Variants in DACH2 observed in about 807,000 individuals in gnomAD.
The protein encoded by DACH2 is dachshund family transcription factor 2.
DACH2 carries 17 observed loss-of-function variants against 35.8 expected under a neutral mutation model. That is an observed-to-expected ratio of 0.48 (90% CI 0.33 to 0.71). The LOEUF is 0.71. Among genes scored for constraint, DACH2 ranks in the 30% least tolerant of loss-of-function variants. The pLI, the probability that DACH2 is intolerant of heterozygous loss-of-function variation, is 0.02. For missense variants in DACH2, 469 were observed against 472.7 expected, an observed-to-expected ratio of 0.99 and a Z score of 0.07; for synonymous variants, 195 against 177.3, an observed-to-expected ratio of 1.10 and a Z score of -0.79.
At chrX:86,535,926 T>C (rs1179581971) in intron 3 of DACH2, among the ~76,000 whole-genome samples, 3 of 111,164 alleles carry the variant, frequency 2.7e-5, no homozygotes, top group Non-Finnish European at 5.7e-5. Context: ...GCAACTTAAG[T>C]TTTATCTACC....
rs368385812 is a variant in DACH2, at chrX:86,685,056, A to G, written c.773-9965A>G. ...AAACTGATGACCTTTACAATATTTT[A>G]CTTCTTAATGAAGGTGACAGAGTTC... On this transcript the variant is annotated intron_variant, in intron 4 of 11. Coordinates refer to ENST00000373125, the MANE Select transcript of DACH2 (RefSeq NM_053281.3). 4.5e-5 allele frequency among the ~76,000 whole-genome samples: 5 copies of G among 112,071 alleles called. No homozygotes were observed. The East Asian group carries it at 1.1e-3, about 25-fold the overall frequency.
chrX:86,673,587 C>T (rs1037423713), intron 4 of DACH2, among the ~76,000 whole-genome samples: 26 of 110,984 alleles, frequency 2.3e-4, no homozygotes, highest in African/African-American at 8.5e-4. Flanking sequence ...AGACTTTGGA[C>T]TGTGGAATTT....
intron 1 of DACH2, among the ~76,000 whole-genome samples, chrX:86,320,347 C>A (rs1285669348): frequency 1.8e-5 from 2 of 112,088 alleles, no homozygotes; most frequent in African/African-American, 6.5e-5. Flanking sequence ...TTAATTAAAC[C>A]ATTACAGAGA....
intron 1 of DACH2, among the ~76,000 whole-genome samples, chrX:86,232,543 T>G (rs750282176): frequency 1.8e-5 from 2 of 111,752 alleles, no homozygotes; most frequent in African/African-American, 6.5e-5. Context: ...AGGACATGAA[T>G]GAACACTTTA....
rs5902900 is a variant in DACH2 at position 86,236,131 on chromosome X, C to CA, written c.488+87034dup. The stretch of plus-strand genomic sequence containing the variant: ...TGGGTGACAGAGCAAGGCTCCATCT[C>CA]AAAAAAAAAAATATAGATAAGGGAT... On this transcript the variant is annotated intron_variant, in intron 1 of 11. Transcript: ENST00000373125. Among the ~76,000 whole-genome samples, 94 of 105,144 alleles carry CA rather than the reference C, an allele frequency of 8.9e-4. 1 individual carries two copies. Among genetic ancestry groups the CA allele is most frequent in the South Asian group, 3.8e-3 (9 of 2,339 alleles). The allele number at this position is 105,144 out of a possible 115,157, so 91.3% of individuals were successfully genotyped here. A position where few individuals can be genotyped will look rare whatever the true frequency, so the allele number is the denominator to read the frequency against.
At chrX:86,491,147 C>A (rs943886712) in intron 2 of DACH2, among the ~76,000 whole-genome samples, 3 of 111,977 alleles carry the variant, frequency 2.7e-5, no homozygotes, top group African/African-American at 9.7e-5. Flanking sequence ...AATAGTTCTA[C>A]ATGAAAATAA....
chrX:86,278,906 C>T (rs754477697), intron 1 of DACH2, among the ~76,000 whole-genome samples: 83 of 112,002 alleles, frequency 7.4e-4, no homozygotes, highest in African/African-American at 2.6e-3. Context: ...TTTCCCCTCA[C>T]AGTGTAAACA....
At chrX:86,284,691 T>C (rs979654627) in intron 1 of DACH2, among the ~76,000 whole-genome samples, 1 of 111,609 alleles carries the variant, frequency 9.0e-6, no homozygotes, top group African/African-American at 3.3e-5. Flanking sequence ...AGTTCTTCTT[T>C]AAATGTTTTG....
Position 86,148,899 on chromosome X carries a change from A to G in DACH2, c.279A>G (p.Gln93=), listed in dbSNP as rs200167039. 389 of 1,208,843 alleles carry G rather than the reference A, an allele frequency of 3.2e-4. 2 individuals are homozygous for G. Among genetic ancestry groups the G allele is most frequent in the Non-Finnish European group, 1.2e-4 (105 of 895,038 alleles). ...MDGQELICLP[Q]VFDLFLKHLV... ...GCCAGGAACTGATCTGCCTGCCGCA[A>G]GTCTTTGATCTTTTTCTCAAGCACC... Residue 93 remains glutamine, a synonymous_variant, in exon 1 of 12, where the codon CAA becomes CAG. Coordinates refer to ENST00000373125, the MANE Select transcript of DACH2 (RefSeq NM_053281.3).
At chrX:86,605,348 A>C (rs934682494) in intron 3 of DACH2, among the ~76,000 whole-genome samples, 1 of 111,212 alleles carries the variant, frequency 9.0e-6, no homozygotes, top group Non-Finnish European at 1.9e-5. Context: ...GTTCATGTGT[A>C]ACAAATTCTT....
intron 1 of DACH2, among the ~76,000 whole-genome samples, chrX:86,253,874 A>G (rs950475000): frequency 2.7e-5 from 3 of 112,217 alleles, no homozygotes; most frequent in African/African-American, 9.7e-5. Flanking sequence ...GATGCCAGAA[A>G]GGAAGTGACA....
intron 7 of DACH2, among the ~76,000 whole-genome samples, chrX:86,777,599 T>C (rs2042048137): frequency 9.0e-6 from 1 of 111,591 alleles, no homozygotes; most frequent in Admixed American, 9.6e-5. Flanking sequence ...AAATATATAT[T>C]TTCTATATTT....
intron 1 of DACH2, among the ~76,000 whole-genome samples, chrX:86,333,590 C>A (rs1188475010): frequency 9.0e-6 from 1 of 111,384 alleles, no homozygotes; most frequent in Admixed American, 9.6e-5. Flanking sequence ...AGACTTAAAT[C>A]AAATAAACCT....
At chrX:86,439,054 C>T (rs2037116128) in intron 2 of DACH2, among the ~76,000 whole-genome samples, 1 of 112,024 alleles carries the variant, frequency 8.9e-6, no homozygotes, top group Non-Finnish European at 1.9e-5. Flanking sequence ...TTGCCAGCAC[C>T]TGTTATTTTT....
At chrX:86,445,858 T>G (rs1411370262) in intron 2 of DACH2, among the ~76,000 whole-genome samples, 19 of 111,439 alleles carry the variant, frequency 1.7e-4, no homozygotes, top group Non-Finnish European at 5.7e-5. Context: ...TAAATTTCAT[T>G]TAGGTCCATT....
At chrX:86,477,320 A>T (rs2037858928) in intron 2 of DACH2, among the ~76,000 whole-genome samples, 1 of 86,165 alleles carries the variant, frequency 1.2e-5, no homozygotes, top group African/African-American at 4.2e-5. Context: ...TATGTATCTG[A>T]GTTCTTCAGT....
At chrX:86,509,923 C>T (rs980562362) in intron 2 of DACH2, among the ~76,000 whole-genome samples, 1 of 111,769 alleles carries the variant, frequency 8.9e-6, no homozygotes, top group Non-Finnish European at 1.9e-5. Context: ...ATGGCTTTCA[C>T]TTCAGGAATT....
chrX:86,203,296 T>C (rs1185297413), intron 1 of DACH2, among the ~76,000 whole-genome samples: 2 of 111,304 alleles, frequency 1.8e-5, no homozygotes, highest in Non-Finnish European at 3.8e-5. Context: ...AAATTTTTAA[T>C]TACCTTAGAT....
chrX:86,422,781 T>G (rs147937170), intron 2 of DACH2, among the ~76,000 whole-genome samples: 7,674 of 110,596 alleles, frequency 0.069, 693 homozygotes, highest in African/African-American at 0.24. Context: ...TTCTATTTTT[T>G]GCATCCATTA....
Sources: allele counts gnomAD v4.1 joint callset (sites outside exome capture counted in the v4.1 genomes callset), GRCh38; gene constraint gnomAD v4.1.1; transcripts MANE v1.5; gene names NCBI Gene and HGNC (gene_info 2026-07-23, HGNC 2026-07-21).